The following PLCE1 variants were observed in gnomAD, a reference collection of about 807,000 sequenced individuals.
PLCE1 encodes the protein 1-phosphatidylinositol 4,5-bisphosphate phosphodiesterase epsilon-1.
A neutral mutation model predicts 242.8 loss-of-function variants in PLCE1; 119 were observed. The observed-to-expected ratio is 0.49, with a 90% CI of 0.42 to 0.57. The LOEUF (loss-of-function observed/expected upper bound fraction) is 0.57, where lower values mean the gene tolerates loss of function less well. Ranked by LOEUF, PLCE1 falls within the 20% of genes least tolerant of loss-of-function variation. The pLI, the probability that PLCE1 is intolerant of heterozygous loss-of-function variation, is 0.00. For missense variants in PLCE1, 2,441 were observed against 2,788.8 expected (o/e 0.88, Z 2.81); for synonymous variants, 945 against 1,017.4 (o/e 0.93, Z 1.35).
chr10:94,211,742 A>G (rs2049336516), intron 4 of PLCE1, among the ~76,000 whole-genome samples: 1 of 152,090 alleles, frequency 6.6e-6, no homozygotes. Flanking sequence ...CAATTATAAA[A>G]TCCTATGCTG....
intron 18 of PLCE1, among the ~76,000 whole-genome samples, chr10:94,272,889 A>AT (rs1030156907): frequency 9.8e-4 from 148 of 150,430 alleles, no homozygotes; most frequent in Non-Finnish European, 1.7e-3. Flanking sequence ...CTAAGCTTTG[A>AT]TTTTTTTTTT....
At chr10:94,015,033 CCTGTGGTTCA>C (rs2134308883) in intron 1 of PLCE1, among the ~76,000 whole-genome samples, 1 of 152,334 alleles carries the variant, frequency 6.6e-6, no homozygotes, top group African/African-American at 2.4e-5. Context: ...CTTCACTTCA[CCTGTGGTTCA>C]CTGTATGACT....
intron 2 of PLCE1, among the ~76,000 whole-genome samples, chr10:94,062,557 TGTTA>T (rs2044081596): frequency 6.6e-6 from 1 of 150,894 alleles, no homozygotes. Context: ...ACTCAATAAG[TGTTA>T]GTTATTGGTT....
Position 94,031,178 on chromosome 10 carries a change from C to T in PLCE1, c.132C>T (p.Val44=), listed in dbSNP as rs2061549799. Residue 44 remains valine (V), a synonymous_variant, in exon 2 of 33, where the codon GTC becomes GTT. Coordinates refer to ENST00000371380, the MANE Select transcript of PLCE1 (RefSeq NM_016341.4). ...TCAATATTTCAAAAGCACATACTGT[C>T]AGACGAAGTGGGGAGACTTCTCATA... ...SDINISKAHT[V]RRSGETSHTI... 1 of 1,613,814 alleles carries T rather than the reference C, an allele frequency of 6.2e-7. No homozygotes were observed. The highest frequency in any genetic ancestry group is 1.3e-5 in the African/African-American group (1 of 75,012).
At chr10:94,136,172 G>A (rs1336611272) in intron 3 of PLCE1, among the ~76,000 whole-genome samples, 1 of 152,140 alleles carries the variant, frequency 6.6e-6, no homozygotes, top group Non-Finnish European at 1.5e-5. Flanking sequence ...CTTATATGAA[G>A]TACTTAGGGT....
chr10:94,186,805 C>T (rs953375303), intron 4 of PLCE1, among the ~76,000 whole-genome samples: 1 of 152,190 alleles, frequency 6.6e-6, no homozygotes, highest in Non-Finnish European at 1.5e-5. Context: ...GGGAAAAAAA[C>T]TTAATTTGAC....
chr10:94,171,586 A>G (rs72814608), intron 4 of PLCE1, 90 bp downstream of exon 4: 1 of 1,013,576 alleles, frequency 9.9e-7, no homozygotes, highest in Non-Finnish European at 1.6e-6. Context: ...TCTGTTCCTG[A>G]TGTGTTCATT....
chr10:94,275,562 G>A (rs1350497993), intron 19 of PLCE1, among the ~76,000 whole-genome samples: 3 of 152,146 alleles, frequency 2.0e-5, no homozygotes, highest in Non-Finnish European at 1.5e-5. Context: ...TTGGCCAGCC[G>A]CTGTGGCTCA....
intron 1 of PLCE1, among the ~76,000 whole-genome samples, chr10:93,994,498 T>G (rs1836961549): frequency 6.6e-6 from 1 of 152,214 alleles, no homozygotes; most frequent in Non-Finnish European, 1.5e-5. Context: ...CTGCCTCAGG[T>G]CGCCCCTTCG....
rs1210753921 is a variant in PLCE1, at chr10:94,329,306, T to A, written c.*1363T>A. On this transcript the variant is annotated 3_prime_UTR_variant, in exon 33 of 33. Coordinates refer to ENST00000371380, the MANE Select transcript of PLCE1 (RefSeq NM_016341.4). ...ATGAATTTTAAAAATGAAATATGTATTCCTCTAAAACCCAAACTTTTATCT... is the reference window on the plus strand; with the variant it reads ...ATGAATTTTAAAAATGAAATATGTAATCCTCTAAAACCCAAACTTTTATCT... 6.6e-6 allele frequency: 1 copy of A among 152,236 alleles called. No individual in the cohort carries two copies. The highest frequency in any genetic ancestry group is 1.5e-5 in the Non-Finnish European group (1 of 68,048). The allele number at this position is 152,236 out of a possible 1,614,324, so 9.4% of individuals were successfully genotyped here.
At chr10:94,194,244 T>C (rs2048753110) in intron 4 of PLCE1, among the ~76,000 whole-genome samples, 1 of 152,236 alleles carries the variant, frequency 6.6e-6, no homozygotes, top group Non-Finnish European at 1.5e-5. Flanking sequence ...GTTTCTGCCA[T>C]CCTTTTCGTG....
intron 4 of PLCE1, among the ~76,000 whole-genome samples, chr10:94,215,309 A>G (rs2049482435): frequency 6.6e-6 from 1 of 152,222 alleles, no homozygotes; most frequent in African/African-American, 2.4e-5. Context: ...TGTATTATGC[A>G]TAACTCAAAA....
chr10:94,281,482 T>G (rs932487494), intron 20 of PLCE1, among the ~76,000 whole-genome samples: 4 of 152,202 alleles, frequency 2.6e-5, no homozygotes, highest in African/African-American at 4.8e-5. Flanking sequence ...TTGGGAAATT[T>G]AGTCCTATAC....
At chr10:94,167,509 C>CTT (rs34925856) in intron 3 of PLCE1, among the ~76,000 whole-genome samples, 3 of 150,820 alleles carry the variant, frequency 2.0e-5, no homozygotes, top group Admixed American at 6.6e-5. Flanking sequence ...AGTAGGCACT[C>CTT]TTTTTTTTTA....
chr10:94,204,919 A>G (rs2049109069), intron 4 of PLCE1, among the ~76,000 whole-genome samples: 1 of 152,232 alleles, frequency 6.6e-6, no homozygotes, highest in South Asian at 2.1e-4. Context: ...TAATAAAAAG[A>G]CATAATTCAA....
At chr10:94,033,212 G>C (rs891732490) in intron 2 of PLCE1, among the ~76,000 whole-genome samples, 6 of 151,586 alleles carry the variant, frequency 4.0e-5, no homozygotes, top group East Asian at 1.9e-4. Context: ...AGCTATTGAG[G>C]GATAATTGTA....
rs576070492 is a variant in PLCE1, at chr10:94,295,939, G to A, written c.5167+2300G>A. ...TGAGCATTGGCTTCAACTTCAAGTCGCCAGCTGCATTAGCCCCTAACAAGA... is the reference window on the plus strand; with the variant it reads ...TGAGCATTGGCTTCAACTTCAAGTCACCAGCTGCATTAGCCCCTAACAAGA... On this transcript the variant is annotated intron_variant, in intron 23 of 32. Transcript: ENST00000371380. Among the ~76,000 whole-genome samples the A allele has an allele frequency of 7.2e-5, 11 of 152,262 alleles. No individual in the cohort carries two copies. The South Asian group carries it at 1.5e-3, about 20-fold the overall frequency.
At chr10:94,147,442 AAGAG>A (rs1015779894) in intron 3 of PLCE1, among the ~76,000 whole-genome samples, 3 of 146,352 alleles carry the variant, frequency 2.0e-5, no homozygotes, top group African/African-American at 5.1e-5. Context: ...AAGAGAGAGA[AAGAG>A]AGAGAGAGAG....
At chr10:94,265,389 T>C (rs576042459) in intron 14 of PLCE1, among the ~76,000 whole-genome samples, 1 of 152,252 alleles carries the variant, frequency 6.6e-6, no homozygotes, top group African/African-American at 2.4e-5. Flanking sequence ...TTTGTTTTCA[T>C]AGAAATCAGC....
Sources: allele counts gnomAD v4.1 joint callset (sites outside exome capture counted in the v4.1 genomes callset), GRCh38; gene constraint gnomAD v4.1.1; transcripts MANE v1.5; gene names NCBI Gene and HGNC (gene_info 2026-07-23, HGNC 2026-07-21).